STYX: variants seen among roughly 807,000 people sequenced by gnomAD.
STYX encodes the protein serine/threonine/tyrosine interacting protein, also known as serine/threonine/tyrosine-interacting protein.
STYX carries 20 observed loss-of-function variants against 42.7 expected under a neutral mutation model. That is an observed-to-expected ratio of 0.47 (90% CI 0.33 to 0.68). The LOEUF (loss-of-function observed/expected upper bound fraction) is 0.68, where lower values mean the gene tolerates loss of function less well. STYX is among the 30% of genes least tolerant of loss of function. The pLI is 0.02. For missense variants in STYX, 226 were observed against 268.5 expected (o/e 0.84, Z 1.11); for synonymous variants, 78 against 81.9 (o/e 0.95, Z 0.26).
intron 1 of STYX, among the ~76,000 whole-genome samples, chr14:52,742,244 G>A (rs974911804): frequency 6.6e-6 from 1 of 152,198 alleles, no homozygotes; most frequent in Non-Finnish European, 1.5e-5. Context: ...GATGAGTTGA[G>A]TTTTTGTTTT....
intron 4 of STYX, among the ~76,000 whole-genome samples, chr14:52,754,881 C>T (rs560683951): frequency 3.9e-5 from 6 of 152,254 alleles, no homozygotes; most frequent in African/African-American, 1.4e-4. Context: ...TAAACTTTTA[C>T]AATACTAGCT....
chr14:52,733,914 C>T (rs1050504337), intron 1 of STYX, among the ~76,000 whole-genome samples: 7 of 152,218 alleles, frequency 4.6e-5, no homozygotes, highest in African/African-American at 1.4e-4. Flanking sequence ...CCCCGACCCC[C>T]GCTGCTTTAC....
chr14:52,731,985 C>T (rs1175905246), intron 1 of STYX, among the ~76,000 whole-genome samples: 2 of 149,246 alleles, frequency 1.3e-5, no homozygotes, highest in East Asian at 2.0e-4. Flanking sequence ...GTTTTTTCTC[C>T]AGGCTGGTCT....
Position 52,772,415 on chromosome 14 carries a change from T to G in STYX, c.*1309T>G, listed in dbSNP as rs1882547046. On this transcript the variant is annotated 3_prime_UTR_variant, in exon 11 of 11. Transcript: ENST00000354586. ...TTTAGTAAAGTCACTTTATGGATTT[T>G]TGGCTATGTTTTAGTTTGTGTGTAT... The G allele has an allele frequency of 6.6e-6, 1 of 152,648 alleles. No homozygotes were observed. Among genetic ancestry groups the G allele is most frequent in the South Asian group, 2.1e-4 (1 of 4,838 alleles). The allele number at this position is 152,648 out of a possible 1,614,324, so 9.5% of individuals were successfully genotyped here.
chr14:52,768,332 T>C (rs1166412358), intron 9 of STYX, among the ~76,000 whole-genome samples: 3 of 152,184 alleles, frequency 2.0e-5, no homozygotes, highest in Admixed American at 6.5e-5. Context: ...CACAAATCTG[T>C]TTCTCCCTCT....
At chr14:52,757,985 G>A in intron 8 of STYX, 61 bp downstream of exon 8, 1 of 1,546,556 alleles carries the variant, frequency 6.5e-7, no homozygotes, top group South Asian at 1.2e-5. Flanking sequence ...AAACTTAATG[G>A]GAATAGTTTG....
intron 9 of STYX, among the ~76,000 whole-genome samples, chr14:52,762,665 T>C (rs1882138591): frequency 6.6e-6 from 1 of 152,126 alleles, no homozygotes; most frequent in Non-Finnish European, 1.5e-5. Context: ...CCATTTCTCT[T>C]TGTGCCATGG....
chr14:52,765,002 C>T (rs947879352), intron 9 of STYX, among the ~76,000 whole-genome samples: 1 of 152,044 alleles, frequency 6.6e-6, no homozygotes, highest in Non-Finnish European at 1.5e-5. Flanking sequence ...TTCAGCCAAT[C>T]CTATTACCTG....
At chr14:52,730,619 C>T in intron 1 of STYX, 88 bp downstream of exon 1, 2 of 1,471,192 alleles carry the variant, frequency 1.4e-6, no homozygotes, top group East Asian at 2.4e-5. Flanking sequence ...TCTTAGCCGC[C>T]ACCTGTACGG....
chr14:52,745,942 C>G (rs1881378767), intron 2 of STYX, among the ~76,000 whole-genome samples: 1 of 152,154 alleles, frequency 6.6e-6, no homozygotes, highest in African/African-American at 2.4e-5. Context: ...ACTTATAGAA[C>G]TGAACTATAA....
chr14:52,754,852 T>G (rs1286662580), intron 4 of STYX, among the ~76,000 whole-genome samples: 1 of 152,234 alleles, frequency 6.6e-6, no homozygotes, highest in African/African-American at 2.4e-5. Flanking sequence ...TTTATCCTAA[T>G]GGAAGAACCA....
chr14:52,750,579 G>A (rs1881571420), intron 3 of STYX, 104 bp from the exon 4 acceptor site: 1 of 736,000 alleles, frequency 1.4e-6, no homozygotes, highest in Non-Finnish European at 2.2e-6. Context: ...GCAGAGATGT[G>A]GGTTCTGTGT....
At chr14:52,740,059 A>G (rs1881125473) in intron 1 of STYX, among the ~76,000 whole-genome samples, 1 of 152,162 alleles carries the variant, frequency 6.6e-6, no homozygotes, top group South Asian at 2.1e-4. Context: ...CAGGTGGATC[A>G]TGAGGTCAGG....
intron 1 of STYX, among the ~76,000 whole-genome samples, chr14:52,736,117 C>A (rs1219510232): frequency 1.3e-5 from 2 of 152,192 alleles, no homozygotes; most frequent in East Asian, 3.8e-4. Context: ...CACCCCCCGC[C>A]TTCAGAGCCT....
intron 1 of STYX, among the ~76,000 whole-genome samples, chr14:52,741,658 ACTT>A (rs1040157360): frequency 1.3e-5 from 2 of 151,994 alleles, no homozygotes; most frequent in African/African-American, 4.8e-5. Flanking sequence ...AAGCTGGTAA[ACTT>A]CTGAGCTCAA....
At chr14:52,733,144 C>G (rs1490349718) in intron 1 of STYX, among the ~76,000 whole-genome samples, 2 of 152,276 alleles carry the variant, frequency 1.3e-5, no homozygotes, top group South Asian at 2.1e-4. Context: ...CCTCGGCCTC[C>G]TAATTCATTG....
intron 6 of STYX, 145 bp downstream of exon 6, chr14:52,757,500 T>G: frequency 1.2e-6 from 1 of 851,522 alleles, no homozygotes; most frequent in Non-Finnish European, 1.8e-6. Context: ...CCCAATTACT[T>G]GTTTCATTTG....
intron 9 of STYX, among the ~76,000 whole-genome samples, chr14:52,765,971 G>A (rs1388752678): frequency 6.6e-6 from 1 of 152,088 alleles, no homozygotes; most frequent in African/African-American, 2.4e-5. Context: ...ATGACCATAA[G>A]ATGCTTTATC....
chr14:52,771,005 C>T (rs1051535151), intron 10 of STYX, 28 bp from the exon 11 acceptor site: 5 of 1,604,546 alleles, frequency 3.1e-6, no homozygotes, highest in Non-Finnish European at 3.4e-6. Context: ...TTTTAGTGCC[C>T]TTTTAATCTT....
Sources: gnomAD v4.1 joint callset for allele counts (sites outside exome capture counted in the v4.1 genomes callset) on GRCh38, gnomAD v4.1.1 for gene constraint, MANE v1.5 for transcripts, NCBI Gene and HGNC (gene_info 2026-07-23, HGNC 2026-07-21) for gene names.